APOM: variants seen among roughly 807,000 people sequenced by gnomAD.
APOM encodes NG20-like protein.
In APOM, 24 loss-of-function variants were observed where a neutral mutation model predicts 23.5. The ratio of observed to expected loss-of-function variants is 1.02; its 90% CI spans 0.74 to 1.44. The LOEUF (loss-of-function observed/expected upper bound fraction) is 1.44. APOM is among the 40% of genes most tolerant of loss of function. The pLI is 0.00. For missense variants in APOM, 200 were observed against 233.2 expected (o/e 0.86, Z 0.93); for synonymous variants, 82 against 84.1 (o/e 0.97, Z 0.14).
rs558037993 is a variant in APOM at position 31,657,071 on chromosome 6, G to A, written c.270-154G>A. On this transcript the variant is annotated intron_variant, in intron 2 of 5. Transcript: ENST00000375916. ...TGAGGCAGGAGAATGGCGTGAACCC[G>A]GGAGGCAGAGCTTGCAGTGAGCCGA... is the stretch of plus-strand genomic sequence containing the variant. 7.9e-5 allele frequency among the ~76,000 whole-genome samples: 12 copies of A among 152,092 alleles called. No homozygotes were observed. The South Asian group carries it at 1.2e-3, about 16-fold the overall frequency.
At chr6:31,653,978 T>G (rs1033368384), upstream of APOM, among the ~76,000 whole-genome samples, 2 of 152,216 alleles carry the variant, frequency 1.3e-5, no homozygotes, top group Non-Finnish European at 2.9e-5. Flanking sequence ...TACAAAAATT[T>G]TCGGCCGGGC....
upstream of APOM, among the ~76,000 whole-genome samples, chr6:31,653,910 C>A (rs956343268): frequency 6.6e-6 from 1 of 152,104 alleles, no homozygotes; most frequent in Non-Finnish European, 1.5e-5. Context: ...CTTGGCCTCC[C>A]AAAGTGCTGG....
At chr6:31,654,245 C>CAA (rs34260741), upstream of APOM, among the ~76,000 whole-genome samples, 4,920 of 99,018 alleles carry the variant, frequency 0.05, 109 homozygotes, top group Non-Finnish European at 0.064. Flanking sequence ...ACTCCCATCT[C>CAA]AAAAAAAAAA....
chr6:31,655,907 C>G lies in APOM; in HGVS notation c.-60C>G. On this transcript the variant is annotated 5_prime_UTR_variant, in exon 1 of 6. Transcript: ENST00000375916. ...GGAGCTGAAAGCAGAGTGGACTGAG[C>G]AGCCAGTAGGGGAGAGAGCAGTTAA... 1 of 1,166,160 alleles carries G rather than the reference C, an allele frequency of 8.6e-7. No homozygotes were observed. Among genetic ancestry groups the G allele is most frequent in the Non-Finnish European group, 1.3e-6 (1 of 799,050 alleles). The allele number at this position is 1,166,160 out of a possible 1,614,324, so 72.2% of individuals were successfully genotyped here. A position where few individuals can be genotyped will look rare whatever the true frequency, so the allele number is the denominator to read the frequency against.
At chr6:31,654,756 A>G (rs1447182322), upstream of APOM, among the ~76,000 whole-genome samples, 1 of 152,230 alleles carries the variant, frequency 6.6e-6, no homozygotes, top group Non-Finnish European at 1.5e-5. Flanking sequence ...CTATTATTTG[A>G]GAACTTATTA....
upstream of APOM, chr6:31,652,850 G>C (rs1246575190): frequency 6.6e-6 from 1 of 152,426 alleles, no homozygotes; most frequent in Non-Finnish European, 1.5e-5. Context: ...ATGGACCTTG[G>C]ACTTTGGAGA....
Position 31,656,504 on chromosome 6 carries a change from T to G in APOM, c.147T>G (p.Phe49Leu). Residue 49 changes from phenylalanine (F) to leucine (L), a missense_variant, in exon 2 of 6, where the codon TTT (phenylalanine) becomes TTG (leucine). Phe to Leu is a conservative substitution (Grantham distance 22). Transcript: ENST00000375916. Reference sequence around the variant, plus strand: ...AGGTCCACTTGGGCCAGTGGTACTTTATCGCAGGGGCAGCTCCCACCAAGG... The same window carrying G: ...AGGTCCACTTGGGCCAGTGGTACTTGATCGCAGGGGCAGCTCCCACCAAGG... The part of the protein sequence containing the change: ...FPEVHLGQWY[F>L]IAGAAPTKEE... The G allele has an allele frequency of 6.2e-7, 1 of 1,614,172 alleles. No individual in the cohort carries two copies. Among genetic ancestry groups the G allele is most frequent in the Non-Finnish European group, 8.5e-7 (1 of 1,180,030 alleles).
At chr6:31,657,514 A>T in intron 4 of APOM, 36 bp downstream of exon 4, 1 of 1,610,138 alleles carries the variant, frequency 6.2e-7, no homozygotes, top group South Asian at 1.1e-5. Flanking sequence ...GGTTGGAGGG[A>T]AACAAGGGAG....
intron 5 of APOM, 145 bp downstream of exon 5, chr6:31,657,868 C>T: frequency 1.0e-6 from 1 of 967,526 alleles, no homozygotes; most frequent in Non-Finnish European, 1.6e-6. Context: ...GGGTTCTGGG[C>T]TACTCAAAAG....
intron 1 of APOM, 130 bp downstream of exon 1, chr6:31,656,210 C>A: frequency 2.4e-6 from 2 of 825,622 alleles, no homozygotes; most frequent in Non-Finnish European, 3.8e-6. Context: ...ATAATGAAAG[C>A]AAGAAGAAAA....
At chr6:31,656,734 C>T in intron 2 of APOM, 108 bp downstream of exon 2, 1 of 1,380,470 alleles carries the variant, frequency 7.2e-7, no homozygotes, top group Non-Finnish European at 9.8e-7. Flanking sequence ...CTATGCTTGG[C>T]CCACGGAATT....
chr6:31,658,188 T>C lies in APOM; in HGVS notation c.*99T>C. The C allele has an allele frequency of 1.4e-6, 2 of 1,387,028 alleles. No individual in the cohort carries two copies. Among genetic ancestry groups the C allele is most frequent in the East Asian group, 4.6e-5 (2 of 43,692 alleles). The allele number at this position is 1,387,028 out of a possible 1,614,324, so 85.9% of individuals were successfully genotyped here. On this transcript the variant is annotated 3_prime_UTR_variant, in exon 6 of 6. Coordinates refer to ENST00000375916, the MANE Select transcript of APOM (RefSeq NM_019101.3). ...CAGCTCCAGCTCCCACTCAAGATAA[T>C]AAAGATAATTTTTCAATCCTCATCT...
chr6:31,653,610 T>C (rs1799324209), upstream of APOM, among the ~76,000 whole-genome samples: 1 of 152,224 alleles, frequency 6.6e-6, no homozygotes, highest in Non-Finnish European at 1.5e-5. Context: ...AGTGTCAGAA[T>C]TGACAAATCC....
chr6:31,657,156 AAAAG>A (rs1800180198), intron 2 of APOM, 65 bp from the exon 3 acceptor site: 4 of 1,483,494 alleles, frequency 2.7e-6, no homozygotes, highest in Non-Finnish European at 2.8e-6. Flanking sequence ...AAAAAAAAAA[AAAAG>A]AAGCTGGGAC....
intron 2 of APOM, 36 bp downstream of exon 2, chr6:31,656,662 A>G (rs760059863): frequency 1.2e-6 from 2 of 1,602,720 alleles, no homozygotes; most frequent in Admixed American, 1.7e-5. Flanking sequence ...CACTGGGTTC[A>G]GTCTCTGCCC....
chr6:31,657,777 G>A (rs1800292801), intron 5 of APOM, 54 bp downstream of exon 5: 1 of 1,490,050 alleles, frequency 6.7e-7, no homozygotes, highest in African/African-American at 1.4e-5. Context: ...GTCTTCTGGT[G>A]TTACAGGGTG....
chr6:31,654,833 C>G (rs1799861673), upstream of APOM, among the ~76,000 whole-genome samples: 1 of 152,198 alleles, frequency 6.6e-6, no homozygotes, highest in Admixed American at 6.5e-5. Flanking sequence ...TTTGGACTTA[C>G]CATGTGCAAG....
intron 2 of APOM, 104 bp downstream of exon 2, chr6:31,656,730 T>C: frequency 7.1e-7 from 1 of 1,409,864 alleles, no homozygotes; most frequent in African/African-American, 1.4e-5. Flanking sequence ...TCTACTATGC[T>C]TGGCCCACGG....
intron 5 of APOM, 62 bp downstream of exon 5, chr6:31,657,785 G>A: frequency 6.9e-7 from 1 of 1,439,898 alleles, no homozygotes; most frequent in Non-Finnish European, 9.8e-7. Flanking sequence ...GTGTTACAGG[G>A]TGAAAGAGGC....
Sources: allele counts gnomAD v4.1 joint callset (sites outside exome capture counted in the v4.1 genomes callset), GRCh38; gene constraint gnomAD v4.1.1; transcripts MANE v1.5; gene names NCBI Gene and HGNC (gene_info 2026-07-23, HGNC 2026-07-21).